The following USH2A variants were observed in gnomAD, a reference collection of about 807,000 sequenced individuals.
USH2A encodes Usher syndrome 2A (autosomal recessive, mild).
Under a neutral mutation model 538.9 loss-of-function variants are expected in USH2A, and 443 were observed. The observed-to-expected ratio is 0.82, with a 90% confidence interval of 0.76 to 0.89. The LOEUF (loss-of-function observed/expected upper bound fraction) is 0.89, where lower values mean the gene tolerates loss of function less well. Among genes scored for constraint, USH2A ranks in the 40% least tolerant of loss-of-function variants. The pLI, the probability that USH2A is intolerant of heterozygous loss-of-function variation, is 0.00. For missense variants in USH2A, 6,633 were observed against 6,324.8 expected (o/e 1.05, Z -1.65); for synonymous variants, 2,413 against 2,273.5 (o/e 1.06, Z -1.75).
chr1:216,329,259 T>C (rs917466774), intron 4 of USH2A, among the ~76,000 whole-genome samples: 2 of 152,120 alleles, frequency 1.3e-5, no homozygotes, highest in African/African-American at 2.4e-5. Context: ...TAAGAAAACA[T>C]GGTAAAATAT....
intron 55 of USH2A, among the ~76,000 whole-genome samples, chr1:215,773,894 T>C (rs778799849): frequency 1.3e-5 from 2 of 152,222 alleles, no homozygotes; most frequent in African/African-American, 2.4e-5. Context: ...AAAGGCATCA[T>C]GGAATTACTT....
chr1:215,936,134 A>G (rs376792158), intron 37 of USH2A, among the ~76,000 whole-genome samples: 1 of 152,024 alleles, frequency 6.6e-6, no homozygotes, highest in South Asian at 2.1e-4. Context: ...TCACACACAA[A>G]TTCTGCAGAT....
intron 14 of USH2A, among the ~76,000 whole-genome samples, chr1:216,218,054 T>G (rs1440725868): frequency 6.6e-6 from 1 of 152,108 alleles, no homozygotes; most frequent in Non-Finnish European, 1.5e-5. Context: ...AAGACTAAAT[T>G]TCACTAAGAA....
intron 49 of USH2A, among the ~76,000 whole-genome samples, chr1:215,805,190 C>G (rs1009756094): frequency 1.3e-5 from 2 of 151,722 alleles, no homozygotes; most frequent in African/African-American, 4.8e-5. Context: ...TGTTAAATGA[C>G]GAGTTAATGG....
chr1:216,293,693 T>C (rs1040301968), intron 9 of USH2A, among the ~76,000 whole-genome samples: 3 of 152,208 alleles, frequency 2.0e-5, no homozygotes, highest in African/African-American at 7.2e-5. Context: ...TATCTGTGTT[T>C]GTAAAGTGTC....
chr1:215,735,473 G>A lies in USH2A; in HGVS notation c.11711+5902C>T, dbSNP rs563336663. ...AAAGTGATGGTGATATTCACACAAA[G>A]AAGGAAATAGGAAAATCGGAGACAG... On this transcript the variant is annotated intron_variant, in intron 60 of 71. Transcript: ENST00000307340. 5.3e-5 allele frequency among the ~76,000 whole-genome samples: 8 copies of A among 152,284 alleles called. No individual in the cohort carries two copies. In the East Asian group the frequency reaches 1.5e-3, roughly 29 times the overall value.
At chr1:215,758,900 T>C in intron 57 of USH2A, 148 bp from the exon 58 acceptor site, 1 of 814,890 alleles carries the variant, frequency 1.2e-6, no homozygotes, top group Admixed American at 2.2e-5. Flanking sequence ...GACTTGGTAG[T>C]TTTTCTTGCA....
At chr1:216,222,980 G>GAA (rs68139217) in intron 14 of USH2A, among the ~76,000 whole-genome samples, 4 of 112,012 alleles carry the variant, frequency 3.6e-5, no homozygotes, top group Non-Finnish European at 3.7e-5. Context: ...CTCCATCTCA[G>GAA]AAAAAAAAAA....
At chr1:215,827,926 AT>A (rs1288645733) in intron 47 of USH2A, among the ~76,000 whole-genome samples, 4 of 152,132 alleles carry the variant, frequency 2.6e-5, no homozygotes, top group Non-Finnish European at 4.4e-5. Flanking sequence ...TTTTCTTTTA[AT>A]TTTACAAAAC....
At chr1:216,402,350 A>T (rs1057453097) in intron 3 of USH2A, among the ~76,000 whole-genome samples, 1 of 152,140 alleles carries the variant, frequency 6.6e-6, no homozygotes, top group Admixed American at 6.5e-5. Context: ...AATTTTGAAA[A>T]CCTCAAAGGA....
At chr1:216,256,250 G>A (rs2036256608) in intron 11 of USH2A, among the ~76,000 whole-genome samples, 1 of 148,936 alleles carries the variant, frequency 6.7e-6, no homozygotes, top group Non-Finnish European at 1.5e-5. Context: ...CATTATTATT[G>A]ATATGATTAT....
At chr1:215,879,531 A>G (rs1415466176) in intron 41 of USH2A, among the ~76,000 whole-genome samples, 3 of 152,210 alleles carry the variant, frequency 2.0e-5, no homozygotes, top group African/African-American at 7.2e-5. Flanking sequence ...GTGACTGCCA[A>G]ATAAGTCACT....
chr1:215,968,838 A>C (rs1040087676), intron 36 of USH2A, among the ~76,000 whole-genome samples: 1 of 152,212 alleles, frequency 6.6e-6, no homozygotes, highest in Non-Finnish European at 1.5e-5. Flanking sequence ...TATCTTAAGA[A>C]ACCGTTGTAC....
At chr1:215,735,319 TTC>T (rs1259538001) in intron 60 of USH2A, among the ~76,000 whole-genome samples, 1 of 152,174 alleles carries the variant, frequency 6.6e-6, no homozygotes, top group African/African-American at 2.4e-5. Context: ...TATCTTAGAG[TTC>T]TCTTTTTATG....
intron 21 of USH2A, among the ~76,000 whole-genome samples, chr1:216,120,429 G>T (rs1233986534): frequency 6.6e-6 from 1 of 151,746 alleles, no homozygotes; most frequent in Non-Finnish European, 1.5e-5. Context: ...ACCCAGGCTG[G>T]AGTGCAATGG....
intron 52 of USH2A, among the ~76,000 whole-genome samples, chr1:215,785,932 T>TACACACACAC (rs10638003): frequency 4.1e-3 from 607 of 146,490 alleles, no homozygotes; most frequent in African/African-American, 7.4e-3. Flanking sequence ...TGATAGATGA[T>TACACACACAC]ACACACACAC....
chr1:215,628,027 A>G (rs1480577854), intron 71 of USH2A, among the ~76,000 whole-genome samples: 2 of 152,158 alleles, frequency 1.3e-5, no homozygotes, highest in Non-Finnish European at 2.9e-5. Flanking sequence ...CTGGACTGAA[A>G]TTATGAAAGA....
At chr1:215,637,764 T>C (rs1656540933) in intron 69 of USH2A, among the ~76,000 whole-genome samples, 2 of 152,090 alleles carry the variant, frequency 1.3e-5, no homozygotes, top group Non-Finnish European at 2.9e-5. Context: ...AGACTCTGTC[T>C]CAAAAAAATT....
At chr1:216,255,226 G>A (rs890372553) in intron 11 of USH2A, among the ~76,000 whole-genome samples, 2 of 152,156 alleles carry the variant, frequency 1.3e-5, no homozygotes, top group African/African-American at 4.8e-5. Context: ...GAAAAGAAAT[G>A]ATCATCCCCA....
Sources: gnomAD v4.1 joint callset for allele counts (sites outside exome capture counted in the v4.1 genomes callset) on GRCh38, gnomAD v4.1.1 for gene constraint, MANE v1.5 for transcripts, NCBI Gene and HGNC (gene_info 2026-07-23, HGNC 2026-07-21) for gene names.